Variants in ZCCHC2 observed in about 807,000 individuals in gnomAD.
ZCCHC2 encodes the protein zinc finger CCHC domain-containing protein 2.
ZCCHC2 carries 39 observed loss-of-function variants against 103.6 expected under a neutral mutation model. The ratio of observed to expected loss-of-function variants is 0.38; its 90% CI spans 0.29 to 0.49. The LOEUF (loss-of-function observed/expected upper bound fraction) is 0.49. Ranked by LOEUF, ZCCHC2 falls within the 20% of genes least tolerant of loss-of-function variation. ZCCHC2 has a pLI of 0.96. For synonymous variants in ZCCHC2, 687 were observed against 608.9 expected, an observed-to-expected ratio of 1.13 and a Z score of -1.89; for missense variants, 1,483 against 1,491.0, an observed-to-expected ratio of 0.99 and a Z score of 0.09.
At chr18:62,552,733 T>G (rs558621409) in intron 5 of ZCCHC2, among the ~76,000 whole-genome samples, 5 of 151,626 alleles carry the variant, frequency 3.3e-5, no homozygotes. Context: ...ACAAAAAAAA[T>G]TTTTTAATTA....
chr18:62,531,798 A>G (rs1914689695), intron 1 of ZCCHC2, among the ~76,000 whole-genome samples: 1 of 150,916 alleles, frequency 6.6e-6, no homozygotes, highest in South Asian at 2.1e-4. Flanking sequence ...AAGTAAAAAA[A>G]AAAAAAAAAA....
chr18:62,524,429 G>T (rs1914251991), intron 1 of ZCCHC2, 66 bp downstream of exon 1: 1 of 1,424,500 alleles, frequency 7.0e-7, no homozygotes, highest in Admixed American at 2.9e-5. Flanking sequence ...CCCCGGCCTC[G>T]CTCTCGGACG....
rs1420803779 is a variant in ZCCHC2, at chr18:62,531,072, A to T, written c.939+6709A>T. ...ATGTTAAGCTAATTTTTTTTTTTTT[A>T]AAGGGAAGCAAAAAGGCCTGTACTA... On this transcript the variant is annotated intron_variant, in intron 1 of 13. Coordinates refer to ENST00000269499, the MANE Select transcript of ZCCHC2 (RefSeq NM_017742.6). Among the ~76,000 whole-genome samples the T allele has an allele frequency of 4.7e-5, 7 of 149,894 alleles. No individual in the cohort carries two copies. In the East Asian group the frequency reaches 5.8e-4, roughly 12 times the overall value.
At chr18:62,525,319 A>G (rs1211699402) in intron 1 of ZCCHC2, 1 of 132,390 alleles carries the variant, frequency 7.6e-6, no homozygotes, top group Non-Finnish European at 1.6e-5. Flanking sequence ...TGAGTCTTTG[A>G]GGAGGACTTT....
intron 5 of ZCCHC2, among the ~76,000 whole-genome samples, chr18:62,555,267 G>A (rs565768286): frequency 1.7e-3 from 255 of 152,248 alleles, no homozygotes; most frequent in Middle Eastern, 0.01. Context: ...TACCACTGTC[G>A]GGAAGACCTC....
chr18:62,557,503 G>A (rs935903808), intron 6 of ZCCHC2, among the ~76,000 whole-genome samples: 24 of 152,124 alleles, frequency 1.6e-4, no homozygotes, highest in African/African-American at 5.3e-4. Context: ...TTATCAATCC[G>A]AATTAAAAAT....
Position 62,523,357 on chromosome 18 carries a change from G to C in ZCCHC2, c.-68G>C, listed in dbSNP as rs1914136643. On this transcript the variant is annotated 5_prime_UTR_variant, in exon 1 of 14. Coordinates refer to ENST00000269499, the MANE Select transcript of ZCCHC2 (RefSeq NM_017742.6). ...TCCTGACGGCCGCGCCGCCGCCTCG[G>C]CCCGTGCTCCACCTCGCGGCCCCTC... The C allele has an allele frequency of 1.0e-6, 1 of 1,000,492 alleles. No homozygotes were observed. Among genetic ancestry groups the C allele is most frequent in the South Asian group, 4.0e-5 (1 of 25,314 alleles). 62.0% of individuals were successfully genotyped at this position (1,000,492 alleles called of 1,614,324 possible). A position where few individuals can be genotyped will look rare whatever the true frequency, so the allele number is the denominator to read the frequency against.
Position 62,523,446 on chromosome 18 carries a change from C to T in ZCCHC2, c.22C>T (p.Leu8=), listed in dbSNP as rs1459611248. ...GAGGATGCTGAGGATGAAGCTGCCG[C>T]TGAAGCCAACGCACCCCGCGGAGCC... MLRMKLP[L]KPTHPAEPPP... is the part of the protein sequence containing the mutation. The change falls in exon 1 of 14, where the codon CTG becomes TTG. Residue 8 remains leucine, a synonymous_variant. Transcript: ENST00000269499. The T allele has an allele frequency of 7.2e-5, 80 of 1,104,840 alleles. No individual in the cohort carries two copies. The highest frequency in any genetic ancestry group is 9.7e-5 in the East Asian group (1 of 10,268). 68.4% of individuals were successfully genotyped at this position (1,104,840 alleles called of 1,614,324 possible). A position where few individuals can be genotyped will look rare whatever the true frequency, so the allele number is the denominator to read the frequency against.
At chr18:62,547,422 C>G (rs1442063812) in intron 4 of ZCCHC2, among the ~76,000 whole-genome samples, 1 of 151,634 alleles carries the variant, frequency 6.6e-6, no homozygotes, top group Non-Finnish European at 1.5e-5. Flanking sequence ...TTGACCTGTA[C>G]TTCTAGCTTG....
chr18:62,585,089 CT>C (rs771264181), exon 15 of ZCCHC2: 5 of 152,250 alleles, frequency 3.3e-5, no homozygotes, highest in Admixed American at 6.5e-5. Context: ...TTCCTTGTGG[CT>C]CTCGAAGGAT....
At chr18:62,526,225 G>C (rs945600394) in intron 1 of ZCCHC2, 1 of 152,240 alleles carries the variant, frequency 6.6e-6, no homozygotes, top group Non-Finnish European at 1.5e-5. Context: ...TGAGTGCTGG[G>C]AGGGATGGAC....
At chr18:62,578,871 G>T (rs959898978), downstream of ZCCHC2, among the ~76,000 whole-genome samples, 1 of 152,122 alleles carries the variant, frequency 6.6e-6, no homozygotes, top group South Asian at 2.1e-4. Flanking sequence ...GGATTCAAGC[G>T]ATTCTCCTGC....
At chr18:62,553,520 AG>A (rs1365542386) in intron 5 of ZCCHC2, among the ~76,000 whole-genome samples, 1 of 151,926 alleles carries the variant, frequency 6.6e-6, no homozygotes, top group Non-Finnish European at 1.5e-5. Context: ...TCAAACTCCT[AG>A]GCTCAAGCAA....
At chr18:62,578,872 A>C (rs1916963111), downstream of ZCCHC2, among the ~76,000 whole-genome samples, 1 of 152,106 alleles carries the variant, frequency 6.6e-6, no homozygotes, top group East Asian at 1.9e-4. Context: ...GATTCAAGCG[A>C]TTCTCCTGCC....
chr18:62,524,412 G>A, intron 1 of ZCCHC2, 49 bp downstream of exon 1: 1 of 1,429,590 alleles, frequency 7.0e-7, no homozygotes, highest in Non-Finnish European at 9.1e-7. Flanking sequence ...CGCTGCCCCG[G>A]CGGCCTCCCC....
chr18:62,533,943 G>A (rs1914809710), intron 1 of ZCCHC2, among the ~76,000 whole-genome samples: 1 of 150,814 alleles, frequency 6.6e-6, no homozygotes, highest in South Asian at 2.1e-4. Context: ...GTACTTACCA[G>A]TATTTACTTT....
At chr18:62,538,114 G>A (rs988708789) in intron 1 of ZCCHC2, among the ~76,000 whole-genome samples, 1 of 152,002 alleles carries the variant, frequency 6.6e-6, no homozygotes, top group Admixed American at 6.6e-5. Flanking sequence ...ATGGTTGACT[G>A]GCCAGGTACA....
intron 7 of ZCCHC2, among the ~76,000 whole-genome samples, chr18:62,560,024 C>T (rs1361752273): frequency 6.6e-6 from 1 of 152,110 alleles, no homozygotes; most frequent in South Asian, 2.1e-4. Flanking sequence ...TATATTGAAA[C>T]ATGTAACAGC....
intron 2 of ZCCHC2, 73 bp from the exon 3 acceptor site, chr18:62,542,424 AG>A: frequency 8.6e-7 from 1 of 1,160,896 alleles, no homozygotes; most frequent in South Asian, 1.5e-5. Flanking sequence ...GTCAACTTTT[AG>A]GGTTACTTTA....
Sources: allele counts gnomAD v4.1 joint callset (sites outside exome capture counted in the v4.1 genomes callset), GRCh38; gene constraint gnomAD v4.1.1; transcripts MANE v1.5; gene names NCBI Gene and HGNC (gene_info 2026-07-23, HGNC 2026-07-21).